KCNC2: variants seen among roughly 807,000 people sequenced by gnomAD.
The protein encoded by KCNC2 is potassium voltage-gated channel subfamily C member 2.
Under a neutral mutation model 44.5 loss-of-function variants are expected in KCNC2, and 21 were observed. The observed-to-expected ratio is 0.47, with a 90% confidence interval of 0.33 to 0.68. The LOEUF (loss-of-function observed/expected upper bound fraction) is 0.68. Ranked by LOEUF, KCNC2 falls within the 30% of genes least tolerant of loss-of-function variation. The pLI is 0.01. For synonymous variants in KCNC2, 391 were observed against 339.1 expected (o/e 1.15, Z -1.68); for missense variants, 589 against 826.2 (o/e 0.71, Z 3.52).
intron 2 of KCNC2, among the ~76,000 whole-genome samples, chr12:75,198,698 T>C (rs1565689863): frequency 6.6e-6 from 1 of 151,888 alleles, no homozygotes; most frequent in Non-Finnish European, 1.5e-5. Flanking sequence ...TATTCACTTT[T>C]AGCAAATAGC....
chr12:75,091,552 C>T (rs1327888996), intron 2 of KCNC2, among the ~76,000 whole-genome samples: 1 of 151,656 alleles, frequency 6.6e-6, no homozygotes, highest in African/African-American at 2.4e-5. Flanking sequence ...CTTTTATCCT[C>T]ACGAAACCTA....
intron 2 of KCNC2, among the ~76,000 whole-genome samples, chr12:75,166,384 A>G (rs1010973701): frequency 1.3e-5 from 2 of 150,966 alleles, no homozygotes; most frequent in African/African-American, 4.8e-5. Context: ...TATCATACTT[A>G]AATGATGGAT....
chr12:75,050,076 C>T (rs1394275184), intron 3 of KCNC2, among the ~76,000 whole-genome samples: 5 of 151,924 alleles, frequency 3.3e-5, no homozygotes, highest in East Asian at 1.9e-4. Context: ...ACCATCACAT[C>T]GTGCAGGGAA....
At chr12:75,185,050 A>C (rs1892842771) in intron 2 of KCNC2, among the ~76,000 whole-genome samples, 1 of 152,200 alleles carries the variant, frequency 6.6e-6, no homozygotes, top group Admixed American at 6.6e-5. Flanking sequence ...ATGAAATTTA[A>C]AATGATAGTA....
rs570527952 is a variant in KCNC2 at position 75,096,691 on chromosome 12, C to T, written c.688-45374G>A. Among the ~76,000 whole-genome samples, 19 of 152,038 alleles carry T rather than the reference C, an allele frequency of 1.2e-4. No individual in the cohort carries two copies. In the East Asian group the frequency reaches 3.7e-3, roughly 30 times the overall value. On this transcript the variant is annotated intron_variant, in intron 2 of 4. Transcript: ENST00000549446. ...AAACAATTGCAAAAAAGTACATACC[C>T]ACCCTTACACTATTCTACTACCTTC...
intron 2 of KCNC2, among the ~76,000 whole-genome samples, chr12:75,194,928 T>C (rs1233142333): frequency 6.6e-6 from 1 of 152,204 alleles, no homozygotes; most frequent in African/African-American, 2.4e-5. Flanking sequence ...GTTTAATACC[T>C]GCTTTCATTT....
intron 2 of KCNC2, among the ~76,000 whole-genome samples, chr12:75,072,411 G>A (rs1199742214): frequency 1.3e-5 from 2 of 151,426 alleles, no homozygotes; most frequent in African/African-American, 4.9e-5. Flanking sequence ...TGAAAGGAAG[G>A]GAATATTTTA....
Position 75,040,498 on chromosome 12 carries a change from C to G in KCNC2, c.*2607G>C, listed in dbSNP as rs1879789496. ...TGATCATTGAATAAAAAAATACTCT[C>G]ATTGCCAGAATTATGTTTTTGTAAT... On this transcript the variant is annotated 3_prime_UTR_variant, in exon 5 of 5. Transcript: ENST00000549446. 6.6e-6 allele frequency: 1 copy of G among 152,614 alleles called. No homozygotes were observed. The highest frequency in any genetic ancestry group is 1.5e-5 in the Non-Finnish European group (1 of 68,106). 9.5% of individuals were successfully genotyped at this position (152,614 alleles called of 1,614,324 possible). A position where few individuals can be genotyped will look rare whatever the true frequency, so the allele number is the denominator to read the frequency against.
chr12:75,147,157 A>G (rs1890081557), intron 2 of KCNC2, among the ~76,000 whole-genome samples: 1 of 152,120 alleles, frequency 6.6e-6, no homozygotes, highest in Non-Finnish European at 1.5e-5. Flanking sequence ...ATTTTAAAAT[A>G]AATAATTACA....
intron 2 of KCNC2, among the ~76,000 whole-genome samples, chr12:75,077,320 G>T (rs10161133): frequency 6.6e-6 from 1 of 151,994 alleles, no homozygotes; most frequent in South Asian, 2.1e-4. Flanking sequence ...TTAAAATCCA[G>T]TCAATTTTAT....
At chr12:75,095,762 GTAAA>G (rs1470869547) in intron 2 of KCNC2, among the ~76,000 whole-genome samples, 2 of 151,702 alleles carry the variant, frequency 1.3e-5, no homozygotes, top group Non-Finnish European at 2.9e-5. Flanking sequence ...TACTTGTTGA[GTAAA>G]TGAATAAATT....
intron 2 of KCNC2, among the ~76,000 whole-genome samples, chr12:75,113,966 C>T (rs1887453405): frequency 6.6e-6 from 1 of 152,068 alleles, no homozygotes; most frequent in Non-Finnish European, 1.5e-5. Context: ...AAGCCTATAT[C>T]TTTACCCAAA....
At chr12:75,154,821 T>C (rs931176713) in intron 2 of KCNC2, among the ~76,000 whole-genome samples, 8 of 152,000 alleles carry the variant, frequency 5.3e-5, no homozygotes, top group African/African-American at 1.9e-4. Context: ...AGCATATAAA[T>C]AGATAATATA....
chr12:75,121,167 T>C (rs530556212), intron 2 of KCNC2, among the ~76,000 whole-genome samples: 34 of 152,350 alleles, frequency 2.2e-4, no homozygotes, highest in African/African-American at 7.9e-4. Context: ...ATCAGTGCTA[T>C]TGAATTCCTG....
intron 2 of KCNC2, among the ~76,000 whole-genome samples, chr12:75,173,902 A>G (rs17114788): frequency 0.015 from 2,210 of 151,998 alleles, 53 homozygotes; most frequent in African/African-American, 0.051. Context: ...TTCTTCACCA[A>G]TGAAACTTCA....
chr12:75,098,818 G>A (rs1886147102), intron 2 of KCNC2, among the ~76,000 whole-genome samples: 1 of 151,892 alleles, frequency 6.6e-6, no homozygotes, highest in Non-Finnish European at 1.5e-5. Context: ...CACACTGGAA[G>A]AACTCAGAAG....
intron 2 of KCNC2, among the ~76,000 whole-genome samples, chr12:75,182,063 A>C (rs747284521): frequency 6.6e-6 from 1 of 150,636 alleles, no homozygotes; most frequent in Non-Finnish European, 1.5e-5. Flanking sequence ...AAGAGAGGGA[A>C]AGGTGCATGT....
At chr12:75,051,420 A>T in intron 2 of KCNC2, 103 bp from the exon 3 acceptor site, 1 of 691,520 alleles carries the variant, frequency 1.4e-6, no homozygotes, top group East Asian at 2.7e-5. Flanking sequence ...AAAGAATAAC[A>T]GCATATTTAG....
At position 75,207,503 on chromosome 12, in the gene KCNC2, C is replaced by A; in HGVS notation, c.481G>T (p.Asp161Tyr). ...AAGATGTCCAGCGCCTCCTCGGCGT[C>A]GCGGTGCTGCCGGTAGGTCATCCAG... The part of the protein sequence containing the change: ...CCWMTYRQHR[D>Y]AEEALDIFET... The change falls in exon 2 of 5, where the codon GAC becomes TAC. Residue 161 changes from aspartate to tyrosine, a missense_variant. This residue lies in a region of KCNC2 where 40 missense variants were observed against 102.0 expected (regional missense o/e 0.39). Coordinates refer to ENST00000549446, the MANE Select transcript of KCNC2 (RefSeq NM_139137.4). This position sits in a 1 kb window ranked among gnomAD's most constrained non-coding sequence, Gnocchi z 4.1. 2 of 1,612,444 alleles carry A rather than the reference C, an allele frequency of 1.2e-6. No homozygotes were observed. The highest frequency in any genetic ancestry group is 1.7e-6 in the Non-Finnish European group (2 of 1,179,854).
Sources: allele counts gnomAD v4.1 joint callset (sites outside exome capture counted in the v4.1 genomes callset), GRCh38; gene constraint gnomAD v4.1.1; regional missense constraint gnomAD v4.1.1; non-coding constraint Gnocchi (gnomAD v3.1); transcripts MANE v1.5; gene names NCBI Gene and HGNC (gene_info 2026-07-23, HGNC 2026-07-21).